The following EPHA5 variants were observed in gnomAD, a reference collection of about 807,000 sequenced individuals.
The protein encoded by EPHA5 is EPH receptor A5, also known as ephrin type-A receptor 5.
EPHA5 carries 60 observed loss-of-function variants against 105.0 expected under a neutral mutation model. The ratio of observed to expected loss-of-function variants is 0.57; its 90% CI spans 0.46 to 0.71. The LOEUF (loss-of-function observed/expected upper bound fraction) is 0.71. EPHA5 is among the 30% of genes least tolerant of loss of function. The pLI is 0.00. For missense variants in EPHA5, 1,218 were observed against 1,274.7 expected (o/e 0.96, Z 0.68); for synonymous variants, 513 against 449.1 (o/e 1.14, Z -1.80).
chr4:65,430,463 A>T (rs1724864597), intron 5 of EPHA5, among the ~76,000 whole-genome samples: 1 of 152,070 alleles, frequency 6.6e-6, no homozygotes, highest in Non-Finnish European at 1.5e-5. Context: ...AGATGTATGT[A>T]TGAATACATA....
rs140560565 is a variant in EPHA5, at chr4:65,341,414, G to A, written c.2596-5289C>T. On this transcript the variant is annotated intron_variant, in intron 14 of 16. Transcript: ENST00000613740. ...ACCATTGAAATTAGAAATCATCATCGCTACACTTCAACACACACCAAATAA... is the reference window on the plus strand; with the variant it reads ...ACCATTGAAATTAGAAATCATCATCACTACACTTCAACACACACCAAATAA... 4.6e-3 allele frequency among the ~76,000 whole-genome samples: 691 copies of A among 151,754 alleles called. 6 individuals carry two copies. The highest frequency in any genetic ancestry group is 0.016 in the African/African-American group (656 of 41,396).
intron 8 of EPHA5, among the ~76,000 whole-genome samples, chr4:65,375,762 T>C (rs1718934520): frequency 6.9e-6 from 1 of 145,136 alleles, no homozygotes; most frequent in Non-Finnish European, 1.5e-5. Flanking sequence ...TTTTAGTTTT[T>C]CATAGCACAG....
At chr4:65,335,549 T>C (rs994247349) in intron 15 of EPHA5, among the ~76,000 whole-genome samples, 2 of 152,058 alleles carry the variant, frequency 1.3e-5, no homozygotes, top group Non-Finnish European at 2.9e-5. Flanking sequence ...TTGCTAGATA[T>C]CTCTGGTTTA....
chr4:65,554,981 C>CAAAAAAA lies in EPHA5; in HGVS notation c.910+46653_910+46659dup, dbSNP rs71205383. ...TTATCACTTCACCCCTATACAACAG[C>CAAAAAAA]AAAAAAAAAAAAAAAAAAAAAAAAA... On this transcript the variant is annotated intron_variant, in intron 3 of 16. Transcript: ENST00000613740. Among the ~76,000 whole-genome samples the CAAAAAAA allele has an allele frequency of 1.1e-3, 100 of 92,562 alleles. 2 individuals are homozygous for CAAAAAAA. The highest frequency in any genetic ancestry group is 1.6e-3 in the Non-Finnish European group (74 of 47,162). The allele number at this position is 92,562 out of a possible 152,430, so 60.7% of individuals were successfully genotyped here.
intron 5 of EPHA5, among the ~76,000 whole-genome samples, chr4:65,478,477 C>T (rs1462193548): frequency 6.6e-6 from 1 of 151,898 alleles, no homozygotes; most frequent in African/African-American, 2.4e-5. Context: ...TACTGTTATG[C>T]TCTTTTTTTT....
intron 1 of EPHA5, among the ~76,000 whole-genome samples, chr4:65,668,187 C>G (rs1039633476): frequency 3.3e-5 from 5 of 152,136 alleles, no homozygotes; most frequent in Admixed American, 3.3e-4. Flanking sequence ...GAGCCTCTAT[C>G]TGCCCTGCTT....
At chr4:65,479,299 A>T (rs1578210591) in intron 5 of EPHA5, among the ~76,000 whole-genome samples, 1 of 152,310 alleles carries the variant, frequency 6.6e-6, no homozygotes, top group Admixed American at 6.5e-5. Flanking sequence ...ATTTACTCAA[A>T]TCAAAAAGCT....
intron 5 of EPHA5, among the ~76,000 whole-genome samples, chr4:65,425,832 C>T (rs1724384478): frequency 6.6e-6 from 1 of 152,084 alleles, no homozygotes; most frequent in African/African-American, 2.4e-5. Context: ...TTTCCTGACC[C>T]TTTAGTATTT....
chr4:65,610,402 C>T (rs1425684045), intron 2 of EPHA5, among the ~76,000 whole-genome samples: 1 of 152,026 alleles, frequency 6.6e-6, no homozygotes, highest in African/African-American at 2.4e-5. Context: ...GGTTGGAAGG[C>T]TGCCTATCCG....
At chr4:65,399,063 C>T (rs112273225) in intron 8 of EPHA5, among the ~76,000 whole-genome samples, 1 of 152,158 alleles carries the variant, frequency 6.6e-6, no homozygotes, top group Non-Finnish European at 1.5e-5. Flanking sequence ...AGTGGCAACC[C>T]TTTGGGGAGC....
intron 3 of EPHA5, among the ~76,000 whole-genome samples, chr4:65,545,643 G>A (rs774440025): frequency 2.0e-5 from 3 of 151,908 alleles, no homozygotes; most frequent in Non-Finnish European, 4.4e-5. Flanking sequence ...AACTGAATAT[G>A]AATAGAGAAC....
intron 7 of EPHA5, among the ~76,000 whole-genome samples, chr4:65,414,004 G>T (rs959800752): frequency 5.9e-5 from 9 of 152,194 alleles, no homozygotes; most frequent in Non-Finnish European, 1.3e-4. Flanking sequence ...TATGGCAGCA[G>T]TAGAAAGAAA....
At chr4:65,329,474 C>T (rs1720390111) in intron 16 of EPHA5, among the ~76,000 whole-genome samples, 1 of 151,134 alleles carries the variant, frequency 6.6e-6, no homozygotes, top group Admixed American at 6.6e-5. Context: ...TTTTTCTAAA[C>T]CCACTATGAA....
At chr4:65,625,059 A>C (rs1399090736) in intron 2 of EPHA5, among the ~76,000 whole-genome samples, 1 of 152,228 alleles carries the variant, frequency 6.6e-6, no homozygotes, top group Non-Finnish European at 1.5e-5. Flanking sequence ...TTTACTACAC[A>C]ATTATTAAAT....
chr4:65,474,567 T>C (rs575456524), intron 5 of EPHA5, among the ~76,000 whole-genome samples: 6 of 151,976 alleles, frequency 3.9e-5, no homozygotes, highest in African/African-American at 7.3e-5. Flanking sequence ...AATTCGAAAA[T>C]GTAAGATCAA....
intron 3 of EPHA5, among the ~76,000 whole-genome samples, chr4:65,519,227 G>A (rs1259189458): frequency 6.6e-6 from 1 of 151,712 alleles, no homozygotes; most frequent in Non-Finnish European, 1.5e-5. Flanking sequence ...AATAAATAAT[G>A]CAAATCAATA....
intron 2 of EPHA5, among the ~76,000 whole-genome samples, 174 bp downstream of exon 2, chr4:65,643,189 A>G (rs1747817346): frequency 6.6e-6 from 1 of 151,930 alleles, no homozygotes; most frequent in South Asian, 2.1e-4. Flanking sequence ...GCCCTTCCCT[A>G]GTGTTCCTTT....
chr4:65,338,223 A>G (rs189035248), intron 14 of EPHA5, among the ~76,000 whole-genome samples: 18 of 152,260 alleles, frequency 1.2e-4, no homozygotes, highest in Admixed American at 2.0e-4. Context: ...ACATAGATCG[A>G]TAGAAGTTTA....
intron 3 of EPHA5, among the ~76,000 whole-genome samples, chr4:65,595,370 C>G (rs1560748579): frequency 1.3e-5 from 2 of 152,046 alleles, no homozygotes; most frequent in East Asian, 3.9e-4. Context: ...AACGAGATAG[C>G]AAATTTTTCA....
Sources: allele counts gnomAD v4.1 joint callset (sites outside exome capture counted in the v4.1 genomes callset), GRCh38; gene constraint gnomAD v4.1.1; transcripts MANE v1.5; gene names NCBI Gene and HGNC (gene_info 2026-07-23, HGNC 2026-07-21).